Variants in HBS1L observed in about 807,000 individuals in gnomAD.
The protein encoded by HBS1L is HBS1-like protein.
HBS1L carries 55 observed loss-of-function variants against 88.9 expected under a neutral mutation model. The observed-to-expected ratio is 0.62, with a 90% CI of 0.50 to 0.77. The LOEUF (loss-of-function observed/expected upper bound fraction) is 0.77. Ranked by LOEUF, HBS1L falls within the 30% of genes least tolerant of loss-of-function variation. HBS1L has a pLI of 0.00. For synonymous variants in HBS1L, 267 were observed against 288.5 expected, an observed-to-expected ratio of 0.93 and a Z score of 0.76; for missense variants, 741 against 829.3, an observed-to-expected ratio of 0.89 and a Z score of 1.31.
At chr6:135,025,367 C>T (rs1241817418) in intron 4 of HBS1L, among the ~76,000 whole-genome samples, 1 of 152,148 alleles carries the variant, frequency 6.6e-6, no homozygotes, top group African/African-American at 2.4e-5. Flanking sequence ...AAGGACCCAA[C>T]AAAAGAGTCA....
chr6:135,036,567 A>G, intron 4 of HBS1L: 1 of 1,487,898 alleles, frequency 6.7e-7, no homozygotes, highest in East Asian at 2.5e-5. Flanking sequence ...ACTATTCTCT[A>G]GTAAATGCTT....
intron 15 of HBS1L, among the ~76,000 whole-genome samples, chr6:134,971,678 A>G (rs1381070521): frequency 6.6e-6 from 1 of 152,340 alleles, no homozygotes; most frequent in African/African-American, 2.4e-5. Context: ...AATTCATATT[A>G]TATATAACCA....
In HBS1L at chr6:134,996,782, C is replaced by T. The variant is rs1490420284; in HGVS notation, c.960G>A (p.Arg320=). Residue 320 remains arginine, a synonymous_variant, in exon 7 of 18, where the codon AGG becomes AGA. Transcript: ENST00000367837. ...AWVLDETGEE[R]ERGVTMDVGM... ...TTTTGAAATATAGTGACTACCTTTC[C>T]CTTTCTTCGCCAGTTTCATCCAAGA... 6.3e-7 allele frequency: 1 copy of T among 1,589,440 alleles called. No individual in the cohort carries two copies.
At chr6:134,989,170 T>C (rs950225948) in intron 8 of HBS1L, among the ~76,000 whole-genome samples, 2 of 152,260 alleles carry the variant, frequency 1.3e-5, no homozygotes, top group Non-Finnish European at 2.9e-5. Flanking sequence ...AAATGTGCAA[T>C]AGACAGTTTG....
intron 4 of HBS1L, chr6:135,035,750 C>CAAAAAAAAAAAAAAAAAAAAAA (rs34517904): frequency 2.8e-5 from 2 of 71,084 alleles, no homozygotes; most frequent in African/African-American, 7.3e-5. Context: ...GACTCTGTCT[C>CAAAAAAAAAAAAAAAAAAAAAA]AAAAAAAAAA....
chr6:134,987,774 T>C lies in HBS1L; in HGVS notation c.1101A>G (p.Leu367=). ...TGAAQADVAV[L]VVDASRGEFE... ...ACTCTCCCCTGCTGGCATCTACAACTAAAACAGCTACATCCGCCTAAAGAA... is the reference window on the plus strand; with the variant it reads ...ACTCTCCCCTGCTGGCATCTACAACCAAAACAGCTACATCCGCCTAAAGAA... The change falls in exon 9 of 18, where the codon TTA becomes TTG. Residue 367 remains leucine (L), a synonymous_variant. Transcript: ENST00000367837. The C allele has an allele frequency of 1.3e-6, 2 of 1,593,526 alleles. No individual in the cohort carries two copies. The highest frequency in any genetic ancestry group is 1.7e-6 in the Non-Finnish European group (2 of 1,171,056).
In HBS1L at chr6:134,981,261, C is replaced by T. The variant is rs548358107; in HGVS notation, c.1597+1197G>A. 3.8e-3 allele frequency among the ~76,000 whole-genome samples: 575 copies of T among 152,028 alleles called. 3 individuals carry two copies. The highest frequency in any genetic ancestry group is 0.012 in the African/African-American group (514 of 41,522). On this transcript the variant is annotated intron_variant, in intron 13 of 17. Transcript: ENST00000367837. The stretch of plus-strand genomic sequence containing the variant: ...TTCAAAAGTATTATAGCTCTTGTCA[C>T]TTTAAAAAACAAAAGCAGAGACCTG...
Position 135,054,645 on chromosome 6 carries a change from C to T in HBS1L, c.43+4G>A, listed in dbSNP as rs758644039. 6.2e-7 allele frequency: 1 copy of T among 1,614,232 alleles called. No homozygotes were observed. Among genetic ancestry groups the T allele is most frequent in the Non-Finnish European group, 8.5e-7 (1 of 1,180,022 alleles). Reference sequence around the variant, plus strand: ...GAACGTCCCGGCATGACCCTGCCACCTACCTTCATCGTAGTTATAGCCTCG... The same window carrying T: ...GAACGTCCCGGCATGACCCTGCCACTTACCTTCATCGTAGTTATAGCCTCG... On this transcript the variant is annotated splice_donor_region_variant and intron_variant, in intron 1 of 17. Transcript: ENST00000367837.
chr6:134,982,734 C>CT (rs374957264), intron 12 of HBS1L, 172 bp from the exon 13 acceptor site: 27,527 of 315,986 alleles, frequency 0.087, 6 homozygotes, highest in East Asian at 0.12. Context: ...CCACACTTTA[C>CT]TTTTTTTTTT....
At chr6:135,052,119 A>G (rs1225894717) in intron 1 of HBS1L, among the ~76,000 whole-genome samples, 3 of 152,232 alleles carry the variant, frequency 2.0e-5, no homozygotes, top group Admixed American at 2.0e-4. Context: ...GTATTCATGC[A>G]GCAGGAACAG....
At chr6:135,020,806 A>G (rs1776051438) in intron 4 of HBS1L, among the ~76,000 whole-genome samples, 1 of 151,958 alleles carries the variant, frequency 6.6e-6, no homozygotes, top group Non-Finnish European at 1.5e-5. Context: ...CCAGACAGCT[A>G]GACAATGGAA....
chr6:135,005,005 G>A (rs1263921561), intron 4 of HBS1L, among the ~76,000 whole-genome samples: 1 of 152,184 alleles, frequency 6.6e-6, no homozygotes, highest in African/African-American at 2.4e-5. Context: ...GGAGGGTGGT[G>A]CCAATGAAGC....
intron 12 of HBS1L, chr6:134,983,577 T>C (rs1191341200): frequency 2.0e-5 from 3 of 152,096 alleles, no homozygotes; most frequent in Admixed American, 6.6e-5. Flanking sequence ...CATGCAGAAG[T>C]TGCATTCCGG....
intron 8 of HBS1L, among the ~76,000 whole-genome samples, chr6:134,993,090 G>T (rs137879689): frequency 1.5e-3 from 235 of 152,212 alleles, no homozygotes; most frequent in Middle Eastern, 6.8e-3. Context: ...ATACATGTTT[G>T]TTGCCTTGGA....
chr6:135,041,278 ATAT>A (rs1776727644), intron 3 of HBS1L, among the ~76,000 whole-genome samples: 1 of 152,082 alleles, frequency 6.6e-6, no homozygotes, highest in South Asian at 2.1e-4. Flanking sequence ...CTATGGGATA[ATAT>A]TATCTCTTTG....
chr6:135,047,993 G>A (rs1347958492), intron 2 of HBS1L, among the ~76,000 whole-genome samples: 2 of 152,182 alleles, frequency 1.3e-5, no homozygotes, highest in Admixed American at 6.5e-5. Flanking sequence ...TGAATAAGGA[G>A]CTATAAAGGA....
chr6:135,047,513 A>T (rs1776949267), intron 2 of HBS1L, among the ~76,000 whole-genome samples: 2 of 152,194 alleles, frequency 1.3e-5, no homozygotes, highest in Admixed American at 6.5e-5. Context: ...TTGTTAAAAC[A>T]TCTGCTATGC....
At chr6:135,026,022 C>A (rs1174670822) in intron 4 of HBS1L, among the ~76,000 whole-genome samples, 2 of 152,140 alleles carry the variant, frequency 1.3e-5, no homozygotes, top group East Asian at 3.9e-4. Context: ...AACAGTAGAG[C>A]AACAGCTGCA....
At chr6:135,024,334 G>T (rs1270675727) in intron 4 of HBS1L, among the ~76,000 whole-genome samples, 1 of 151,436 alleles carries the variant, frequency 6.6e-6, no homozygotes, top group Non-Finnish European at 1.5e-5. Context: ...CAGCTACTCC[G>T]GAGGCTGAGG....
Sources: allele counts gnomAD v4.1 joint callset (sites outside exome capture counted in the v4.1 genomes callset), GRCh38; gene constraint gnomAD v4.1.1; transcripts MANE v1.5; gene names NCBI Gene and HGNC (gene_info 2026-07-23, HGNC 2026-07-21).